ARHGAP12: variants seen among roughly 807,000 people sequenced by gnomAD.
ARHGAP12 encodes the protein rho GTPase-activating protein 12.
A neutral mutation model predicts 108.6 loss-of-function variants in ARHGAP12; 64 were observed. The ratio of observed to expected loss-of-function variants is 0.59; its 90% CI spans 0.48 to 0.73. ARHGAP12 has a LOEUF of 0.73. Among genes scored for constraint, ARHGAP12 ranks in the 30% least tolerant of loss-of-function variants. The pLI is 0.00. For missense variants in ARHGAP12, 940 were observed against 1,005.9 expected, an observed-to-expected ratio of 0.93 and a Z score of 0.89; for synonymous variants, 312 against 337.2, an observed-to-expected ratio of 0.93 and a Z score of 0.82.
intron 4 of ARHGAP12, among the ~76,000 whole-genome samples, chr10:31,856,219 C>T (rs1050974033): frequency 2.0e-5 from 3 of 151,678 alleles, no homozygotes; most frequent in Non-Finnish European, 2.9e-5. Flanking sequence ...ATTAAGAAAT[C>T]CTCAGAGGTC....
intron 3 of ARHGAP12, among the ~76,000 whole-genome samples, chr10:31,870,696 T>C (rs1837508284): frequency 1.3e-5 from 2 of 152,178 alleles, no homozygotes; most frequent in African/African-American, 2.4e-5. Context: ...CAACTAAAAA[T>C]TACATGATCA....
At chr10:31,859,864 G>T (rs1339902924) in intron 4 of ARHGAP12, among the ~76,000 whole-genome samples, 1 of 150,140 alleles carries the variant, frequency 6.7e-6, no homozygotes, top group Non-Finnish European at 1.5e-5. Flanking sequence ...GTGCAATCTC[G>T]GCTCACTGCA....
At chr10:31,878,623 T>C (rs879696799) in intron 3 of ARHGAP12, among the ~76,000 whole-genome samples, 6 of 152,358 alleles carry the variant, frequency 3.9e-5, no homozygotes, top group Middle Eastern at 3.4e-3. Context: ...AAGCAAACTA[T>C]GGTCCAAATC....
At chr10:31,848,862 G>C (rs1049800232) in intron 6 of ARHGAP12, among the ~76,000 whole-genome samples, 6 of 152,052 alleles carry the variant, frequency 3.9e-5, no homozygotes, top group African/African-American at 1.4e-4. Flanking sequence ...CACAAGGTCA[G>C]GAGTTCGAGA....
At chr10:31,894,182 T>G (rs1200127745) in intron 3 of ARHGAP12, among the ~76,000 whole-genome samples, 1 of 152,208 alleles carries the variant, frequency 6.6e-6, no homozygotes, top group East Asian at 1.9e-4. Context: ...CTTTGAAAAC[T>G]GGCACAAGAC....
At chr10:31,811,413 G>T (rs1247457076) in intron 15 of ARHGAP12, among the ~76,000 whole-genome samples, 2 of 152,034 alleles carry the variant, frequency 1.3e-5, no homozygotes, top group African/African-American at 4.8e-5. Flanking sequence ...CCATATTAGT[G>T]GTAAATGTTC....
At chr10:31,807,886 C>T in intron 19 of ARHGAP12, 54 bp from the exon 20 acceptor site, 4 of 1,323,524 alleles carry the variant, frequency 3.0e-6, no homozygotes, top group Non-Finnish European at 4.0e-6. Context: ...AGGGAAAATT[C>T]TTCAAATGGT....
chr10:31,864,218 T>C (rs1439686086), intron 3 of ARHGAP12, among the ~76,000 whole-genome samples: 1 of 152,134 alleles, frequency 6.6e-6, no homozygotes, highest in East Asian at 1.9e-4. Flanking sequence ...ACTAAAAGAG[T>C]TTCATGAATT....
At chr10:31,854,241 T>C in intron 4 of ARHGAP12, 35 bp from the exon 5 acceptor site, 4 of 1,553,012 alleles carry the variant, frequency 2.6e-6, no homozygotes, top group Non-Finnish European at 2.6e-6. Flanking sequence ...ATTTTTCTTT[T>C]TTGAATATAA....
intron 3 of ARHGAP12, among the ~76,000 whole-genome samples, chr10:31,887,321 A>G (rs1838225653): frequency 6.6e-6 from 1 of 152,180 alleles, no homozygotes; most frequent in South Asian, 2.1e-4. Flanking sequence ...CTTTACTCAA[A>G]GCCCACTAAA....
chr10:31,902,160 G>C (rs1385675846), intron 3 of ARHGAP12, among the ~76,000 whole-genome samples: 3 of 151,972 alleles, frequency 2.0e-5, no homozygotes, highest in Admixed American at 6.6e-5. Context: ...GGTAAATAAG[G>C]CTGCATGGTA....
chr10:31,821,185 G>A (rs1215067570), intron 11 of ARHGAP12, among the ~76,000 whole-genome samples: 1 of 152,098 alleles, frequency 6.6e-6, no homozygotes. Flanking sequence ...ACTGTAACTA[G>A]AGACAGATGC....
intron 3 of ARHGAP12, among the ~76,000 whole-genome samples, chr10:31,895,349 A>T (rs569780244): frequency 1.2e-4 from 19 of 152,372 alleles, no homozygotes; most frequent in Admixed American, 9.1e-4. Flanking sequence ...CAATCTACTT[A>T]TCTGACAAAC....
intron 3 of ARHGAP12, among the ~76,000 whole-genome samples, chr10:31,888,186 T>G (rs896665624): frequency 2.6e-5 from 4 of 152,112 alleles, no homozygotes; most frequent in African/African-American, 9.7e-5. Flanking sequence ...CAACTGCTAT[T>G]TTGTCTGCCT....
chr10:31,810,132 T>C (rs1268962155), intron 16 of ARHGAP12, among the ~76,000 whole-genome samples: 1 of 152,172 alleles, frequency 6.6e-6, no homozygotes, highest in African/African-American at 2.4e-5. Context: ...ATAAAACTAG[T>C]ATAAATATTA....
intron 1 of ARHGAP12, among the ~76,000 whole-genome samples, chr10:31,910,991 CCT>C (rs1251796389): frequency 5.2e-4 from 79 of 152,072 alleles, no homozygotes; most frequent in African/African-American, 1.5e-3. Context: ...ACATTTGTCC[CCT>C]GATTACTTCC....
intron 9 of ARHGAP12, among the ~76,000 whole-genome samples, chr10:31,838,926 T>C (rs968151429): frequency 4.0e-5 from 6 of 150,766 alleles, no homozygotes; most frequent in Non-Finnish European, 5.9e-5. Context: ...CACCTAAGCC[T>C]GGTGGGGGAG....
At chr10:31,845,516 G>A (rs975364755) in intron 6 of ARHGAP12, among the ~76,000 whole-genome samples, 1 of 152,162 alleles carries the variant, frequency 6.6e-6, no homozygotes, top group Non-Finnish European at 1.5e-5. Flanking sequence ...TGGGCTCGGT[G>A]GCTCACGCCT....
chr10:31,806,639 A>G lies in ARHGAP12; in HGVS notation c.*1019T>C, dbSNP rs894173200. The G allele has an allele frequency of 6.6e-5, 10 of 152,604 alleles. No individual in the cohort carries two copies. Among genetic ancestry groups the G allele is most frequent in the African/African-American group, 2.4e-4 (10 of 41,460 alleles). The allele number at this position is 152,604 out of a possible 1,614,324, so 9.5% of individuals were successfully genotyped here. On this transcript the variant is annotated 3_prime_UTR_variant, in exon 20 of 20. Transcript: ENST00000344936. ...AGTGCATGTGCCATTTAGCAAGTCT[A>G]TTCAGTATTTTTCCAGTACCATTCT...
Sources: gnomAD v4.1 joint callset for allele counts (sites outside exome capture counted in the v4.1 genomes callset) on GRCh38, gnomAD v4.1.1 for gene constraint, MANE v1.5 for transcripts, NCBI Gene and HGNC (gene_info 2026-07-23, HGNC 2026-07-21) for gene names.